CACNA1E: variants seen among roughly 807,000 people sequenced by gnomAD.
CACNA1E encodes voltage-dependent R-type calcium channel subunit alpha-1E.
CACNA1E carries 40 observed loss-of-function variants against 259.2 expected under a neutral mutation model. The ratio of observed to expected loss-of-function variants is 0.15; its 90% CI spans 0.12 to 0.20. CACNA1E has a LOEUF of 0.20. CACNA1E is among the 10% of genes least tolerant of loss of function. The pLI is 1.00. For synonymous variants in CACNA1E, 1,104 were observed against 1,138.5 expected (o/e 0.97, Z 0.61); for missense variants, 1,874 against 3,040.1 (o/e 0.62, Z 9.02).
At chr1:181,663,527 G>T (rs1210662559) in intron 7 of CACNA1E, among the ~76,000 whole-genome samples, 1 of 152,216 alleles carries the variant, frequency 6.6e-6, no homozygotes, top group Non-Finnish European at 1.5e-5. Flanking sequence ...TTCAAGAAAT[G>T]ATTGATGAAT....
At chr1:181,597,793 A>G (rs1653342337) in intron 6 of CACNA1E, among the ~76,000 whole-genome samples, 1 of 152,206 alleles carries the variant, frequency 6.6e-6, no homozygotes, top group African/African-American at 2.4e-5. Flanking sequence ...TGCAGATGGC[A>G]GCAGGCAAAA....
intron 3 of CACNA1E, among the ~76,000 whole-genome samples, chr1:181,545,508 C>T (rs542066162): frequency 9.9e-5 from 15 of 152,110 alleles, no homozygotes; most frequent in Non-Finnish European, 2.1e-4. Flanking sequence ...GGAATCCCCC[C>T]ACACTGAGGT....
intron 3 of CACNA1E, among the ~76,000 whole-genome samples, chr1:181,545,988 A>G (rs563914085): frequency 6.6e-6 from 1 of 152,174 alleles, no homozygotes; most frequent in South Asian, 2.1e-4. Context: ...CTAGAGAGCC[A>G]TCCTGAGATG....
At chr1:181,750,911 A>G (rs185798124) in intron 26 of CACNA1E, among the ~76,000 whole-genome samples, 9 of 151,724 alleles carry the variant, frequency 5.9e-5, no homozygotes, top group Admixed American at 5.9e-4. Flanking sequence ...CATTCCTTCA[A>G]TTCGATTAAA....
chr1:181,576,853 A>G (rs538590244), intron 3 of CACNA1E, among the ~76,000 whole-genome samples: 8 of 152,270 alleles, frequency 5.3e-5, no homozygotes, highest in Admixed American at 3.9e-4. Context: ...ATTAAATACC[A>G]TGTCATTTTA....
At chr1:181,505,938 G>A (rs1348851493) in intron 1 of CACNA1E, among the ~76,000 whole-genome samples, 1 of 152,212 alleles carries the variant, frequency 6.6e-6, no homozygotes, top group Non-Finnish European at 1.5e-5. Flanking sequence ...AGTGAGGCAG[G>A]CAAGGTCCTG....
chr1:181,518,505 C>T lies in CACNA1E; in HGVS notation c.512+6995C>T, dbSNP rs569563575. 5.9e-5 allele frequency among the ~76,000 whole-genome samples: 9 copies of T among 152,250 alleles called. No individual in the cohort carries two copies. The East Asian group carries it at 1.4e-3, about 23-fold the overall frequency. ...AAGATAAGGTTAGAATATAGGATTTCGATTCCAGGGAGAGGTGGGCAAAAG... is the reference window on the plus strand; with the variant it reads ...AAGATAAGGTTAGAATATAGGATTTTGATTCCAGGGAGAGGTGGGCAAAAG... On this transcript the variant is annotated intron_variant, in intron 3 of 47. Coordinates refer to ENST00000367573, the MANE Select transcript of CACNA1E (RefSeq NM_001205293.3).
At chr1:181,750,367 C>T (rs1188871280) in intron 25 of CACNA1E, 109 bp from the exon 26 acceptor site, 1 of 935,648 alleles carries the variant, frequency 1.1e-6, no homozygotes, top group Non-Finnish European at 1.7e-6. Flanking sequence ...GTAGGGTTCT[C>T]TTTTCTCCCT....
intron 6 of CACNA1E, among the ~76,000 whole-genome samples, chr1:181,646,659 G>A (rs896995314): frequency 3.9e-5 from 6 of 152,182 alleles, no homozygotes; most frequent in Non-Finnish European, 5.9e-5. Context: ...CTCTGGGGCT[G>A]GGGGCTGGGC....
At chr1:181,347,092 ATCT>A (rs1652652334) in intron 1 of CACNA1E, among the ~76,000 whole-genome samples, 1 of 152,122 alleles carries the variant, frequency 6.6e-6, no homozygotes, top group African/African-American at 2.4e-5. Flanking sequence ...CACCAAGGAA[ATCT>A]TCACTCACCA....
chr1:181,641,625 CA>C (rs1414780055), intron 6 of CACNA1E, among the ~76,000 whole-genome samples: 1 of 151,010 alleles, frequency 6.6e-6, no homozygotes, highest in African/African-American at 2.4e-5. Flanking sequence ...TCTTAACCTT[CA>C]GAGGAAACGA....
At chr1:181,623,641 C>A (rs186292416) in intron 6 of CACNA1E, among the ~76,000 whole-genome samples, 273 of 152,280 alleles carry the variant, frequency 1.8e-3, no homozygotes, top group Middle Eastern at 3.4e-3. Context: ...GTAAATCACA[C>A]AAATTTTTGT....
At chr1:181,355,819 G>A (rs1016157984) in intron 1 of CACNA1E, among the ~76,000 whole-genome samples, 5 of 152,176 alleles carry the variant, frequency 3.3e-5, no homozygotes, top group Admixed American at 1.3e-4. Context: ...GAATTGATAG[G>A]AGGAGATACT....
intron 7 of CACNA1E, among the ~76,000 whole-genome samples, chr1:181,658,378 C>G (rs1258961879): frequency 6.6e-6 from 1 of 152,184 alleles, no homozygotes; most frequent in East Asian, 1.9e-4. Context: ...GGGTGAGAAG[C>G]CTAACCCTGT....
intron 2 of CACNA1E, among the ~76,000 whole-genome samples, chr1:181,477,189 G>C (rs587449): frequency 0.12 from 17,572 of 142,648 alleles, 1,780 homozygotes; most frequent in African/African-American, 0.29. Flanking sequence ...CATTCATGCT[G>C]CAGGCTGCTG....
At chr1:181,669,311 C>T (rs1648559362) in intron 7 of CACNA1E, among the ~76,000 whole-genome samples, 1 of 152,132 alleles carries the variant, frequency 6.6e-6, no homozygotes, top group Non-Finnish European at 1.5e-5. Context: ...TTGCTGCAAC[C>T]TACTTTTCTA....
chr1:181,683,419 A>T (rs995228797), intron 7 of CACNA1E, among the ~76,000 whole-genome samples: 5 of 152,122 alleles, frequency 3.3e-5, no homozygotes, highest in Non-Finnish European at 7.4e-5. Flanking sequence ...AGACTTTTTT[A>T]AGATCAGATT....
At chr1:181,464,469 G>A (rs1376547124) in intron 2 of CACNA1E, among the ~76,000 whole-genome samples, 1 of 151,254 alleles carries the variant, frequency 6.6e-6, no homozygotes, top group South Asian at 2.1e-4. Context: ...TTATGGTTTT[G>A]TTGCTTTTGC....
intron 1 of CACNA1E, among the ~76,000 whole-genome samples, chr1:181,368,664 C>T (rs1654464247): frequency 1.3e-5 from 2 of 152,074 alleles, no homozygotes; most frequent in African/African-American, 4.8e-5. Flanking sequence ...AGTGCTGTGC[C>T]CATAGTTAAC....
Sources: gnomAD v4.1 joint callset for allele counts (sites outside exome capture counted in the v4.1 genomes callset) on GRCh38, gnomAD v4.1.1 for gene constraint, MANE v1.5 for transcripts, NCBI Gene and HGNC (gene_info 2026-07-23, HGNC 2026-07-21) for gene names.